LYPD1: variants seen among roughly 807,000 people sequenced by gnomAD.
LYPD1 encodes ly6/PLAUR domain-containing protein 1.
LYPD1 carries 14 observed loss-of-function variants against 14.2 expected under a neutral mutation model. That is an observed-to-expected ratio of 0.99 (90% CI 0.65 to 1.54). The LOEUF (loss-of-function observed/expected upper bound fraction) is 1.54, where lower values mean the gene tolerates loss of function less well. Among genes scored for constraint, LYPD1 ranks in the 40% most tolerant of loss-of-function variants. The pLI is 0.00. For synonymous variants in LYPD1, 85 were observed against 70.6 expected (o/e 1.20, Z -1.02); for missense variants, 165 against 175.7 (o/e 0.94, Z 0.34).
intron 2 of LYPD1, among the ~76,000 whole-genome samples, chr2:132,661,207 TGA>T (rs2104918347): frequency 6.6e-6 from 1 of 152,252 alleles, no homozygotes; most frequent in South Asian, 2.1e-4. Context: ...TCCATGTGCC[TGA>T]GGATTCCTGT....
chr2:132,669,891 G>C lies in LYPD1; in HGVS notation c.42C>G (p.Phe14Leu), dbSNP rs368512774. Residue 14 changes from phenylalanine to leucine, a missense_variant, in exon 1 of 3, where the codon TTC (phenylalanine) becomes TTG (leucine). Transcript: ENST00000397463. The surrounding 1 kb of genome is among the most constrained non-coding windows in gnomAD (Gnocchi z 4.3). ...LGIAATFCGL[F>L]LLPGFALQIQ... ...TCTGGGTATTCTCACCTGGAAGCAAGAACAATCCGCAAAAAGTTGCCGCGA... is the reference window on the plus strand; with the variant it reads ...TCTGGGTATTCTCACCTGGAAGCAACAACAATCCGCAAAAAGTTGCCGCGA... 3.1e-6 allele frequency: 5 copies of C among 1,612,976 alleles called. No homozygotes were observed. Among genetic ancestry groups the C allele is most frequent in the Non-Finnish European group, 3.4e-6 (4 of 1,179,418 alleles).
intron 2 of LYPD1, among the ~76,000 whole-genome samples, chr2:132,647,601 G>C (rs1000420941): frequency 6.6e-6 from 1 of 152,188 alleles, no homozygotes; most frequent in Admixed American, 6.5e-5. Flanking sequence ...AAAATGCTGG[G>C]ATTACAGGCA....
At position 132,669,861 on chromosome 2, in the gene LYPD1, T is replaced by C. The variant is rs2104933002; in HGVS notation, c.52+20A>G. 2 of 1,611,930 alleles carry C rather than the reference T, an allele frequency of 1.2e-6. No individual in the cohort carries two copies. The highest frequency in any genetic ancestry group is 1.7e-6 in the Non-Finnish European group (2 of 1,179,026). On this transcript the variant is annotated intron_variant, in intron 1 of 2. Transcript: ENST00000397463. The surrounding 1 kb of genome is among the most constrained non-coding windows in gnomAD (Gnocchi z 4.3). ...ATTGTGCGCACCTGGCCTCGGCTGCTGGCCTCTGGGTATTCTCACCTGGAA... is the reference window on the plus strand; with the variant it reads ...ATTGTGCGCACCTGGCCTCGGCTGCCGGCCTCTGGGTATTCTCACCTGGAA...
intron 2 of LYPD1, among the ~76,000 whole-genome samples, chr2:132,659,367 A>C (rs560404984): frequency 1.3e-5 from 2 of 152,254 alleles, no homozygotes; most frequent in South Asian, 4.1e-4. Flanking sequence ...AGAGAGAGAG[A>C]GCATGAGAGA....
intron 2 of LYPD1, among the ~76,000 whole-genome samples, chr2:132,657,981 G>A (rs1006658300): frequency 2.0e-5 from 3 of 152,136 alleles, no homozygotes; most frequent in Non-Finnish European, 4.4e-5. Flanking sequence ...AGCTACTAGC[G>A]GCCATGAGAC....
At chr2:132,647,481 C>T (rs575744466) in intron 2 of LYPD1, among the ~76,000 whole-genome samples, 6 of 152,138 alleles carry the variant, frequency 3.9e-5, no homozygotes, top group South Asian at 2.1e-4. Flanking sequence ...CCCAGGCGCC[C>T]GCCACCACAC....
At chr2:132,646,547 TTAAA>T (rs1398523934) in intron 2 of LYPD1, 29 of 350,412 alleles carry the variant, frequency 8.3e-5, no homozygotes, top group South Asian at 1.5e-4. Flanking sequence ...TAAAGAGCTG[TTAAA>T]TAGACTTATT....
chr2:132,658,240 G>A (rs977393275), intron 2 of LYPD1, among the ~76,000 whole-genome samples: 4 of 152,180 alleles, frequency 2.6e-5, no homozygotes, highest in African/African-American at 9.7e-5. Flanking sequence ...GGCTGTAGGA[G>A]CAACCCCAAG....
Position 132,649,487 on chromosome 2 carries a change from C to T in LYPD1, c.191-3207G>A, listed in dbSNP as rs560689252. On this transcript the variant is annotated intron_variant, in intron 2 of 2. Transcript: ENST00000397463. ...TCAGCAGGCAGGCTGGCGATGGGAACGGAGGTGCAGGGACAAACGGGAATG... is the reference window on the plus strand; with the variant it reads ...TCAGCAGGCAGGCTGGCGATGGGAATGGAGGTGCAGGGACAAACGGGAATG... Among the ~76,000 whole-genome samples the T allele has an allele frequency of 6.6e-4, 100 of 152,224 alleles. 1 individual carries two copies. In the South Asian group the frequency reaches 0.015, roughly 22 times the overall value.
Position 132,669,475 on chromosome 2 carries a change from G to A in LYPD1, c.52+406C>T, listed in dbSNP as rs1245189567. On this transcript the variant is annotated intron_variant, in intron 1 of 2. Transcript: ENST00000397463. The surrounding 1 kb of genome is among the most constrained non-coding windows in gnomAD (Gnocchi z 4.3). Reference sequence around the variant, plus strand: ...CAACCCAGCTTCAGCGTGGCCGCAGGCTGCCTCGCGCATCGCTCACCTGTC... The same window carrying A: ...CAACCCAGCTTCAGCGTGGCCGCAGACTGCCTCGCGCATCGCTCACCTGTC... 1.3e-5 allele frequency among the ~76,000 whole-genome samples: 2 copies of A among 152,152 alleles called. No homozygotes were observed. The highest frequency in any genetic ancestry group is 2.9e-5 in the Non-Finnish European group (2 of 68,020).
chr2:132,658,834 C>T (rs1682755083), intron 2 of LYPD1, among the ~76,000 whole-genome samples: 1 of 152,154 alleles, frequency 6.6e-6, no homozygotes, highest in Non-Finnish European at 1.5e-5. Flanking sequence ...TTTCCTTCTT[C>T]CCAAGGGAGA....
At chr2:132,653,305 A>C (rs1682426315) in intron 2 of LYPD1, among the ~76,000 whole-genome samples, 1 of 152,248 alleles carries the variant, frequency 6.6e-6, no homozygotes, top group Admixed American at 6.5e-5. Flanking sequence ...CAGTGGACAA[A>C]GCTGGAGTTT....
intron 2 of LYPD1, among the ~76,000 whole-genome samples, chr2:132,647,389 T>C (rs190512457): frequency 2.0e-5 from 3 of 152,344 alleles, no homozygotes; most frequent in African/African-American, 7.2e-5. Context: ...GGGGATTTTT[T>C]AGGGGGAGAG....
chr2:132,649,384 C>A (rs925414687), intron 2 of LYPD1, among the ~76,000 whole-genome samples: 7 of 152,006 alleles, frequency 4.6e-5, no homozygotes. Context: ...TTGGAGTCTG[C>A]AAAGAAGTGG....
Position 132,646,203 on chromosome 2 carries a change from G to A in LYPD1, c.268C>T (p.Pro90Ser). Reference sequence around the variant, plus strand: ...ATGCAAACTGAGTTCAGTTTCCCTGGGGAGCAGAAGGACTGGTACCCGGCA... The same window carrying A: ...ATGCAAACTGAGTTCAGTTTCCCTGAGGAGCAGAAGGACTGGTACCCGGCA... ...ASAGYQSFCS[P>S]GKLNSVCISC... Residue 90 changes from proline to serine, a missense_variant, in exon 3 of 3, where the codon CCA (proline) becomes TCA (serine). Pro to Ser is a moderately conservative substitution (Grantham distance 74). Transcript: ENST00000397463. 6.2e-7 allele frequency: 1 copy of A among 1,607,310 alleles called. No homozygotes were observed. Among genetic ancestry groups the A allele is most frequent in the Non-Finnish European group, 8.5e-7 (1 of 1,176,230 alleles).
At chr2:132,670,378 C>G (rs2104935134), upstream of LYPD1, among the ~76,000 whole-genome samples, 1 of 152,226 alleles carries the variant, frequency 6.6e-6, no homozygotes, top group South Asian at 2.1e-4. This position sits in a 1 kb window ranked among gnomAD's most constrained non-coding sequence, Gnocchi z 4.5. Context: ...CGCCTCCGCA[C>G]GTTCCTGGGA....
chr2:132,647,010 G>T (rs936977478), intron 2 of LYPD1, among the ~76,000 whole-genome samples: 4 of 152,234 alleles, frequency 2.6e-5, no homozygotes, highest in African/African-American at 9.6e-5. Flanking sequence ...TGTGTGTCCT[G>T]TCAAGCTGCA....
rs367709282 is a variant in LYPD1 at position 132,645,400 on chromosome 2, C to T, written c.*645G>A. ...TGCGCACTCCACCACCGACAGCGCC[C>T]GCTTTGTGCAGCGCCCGTTGCTCTT... On this transcript the variant is annotated 3_prime_UTR_variant, in exon 3 of 3. Coordinates refer to ENST00000397463, the MANE Select transcript of LYPD1 (RefSeq NM_144586.7). 5.3e-5 allele frequency: 85 copies of T among 1,613,578 alleles called. 1 individual carries two copies. Among genetic ancestry groups the T allele is most frequent in the South Asian group, 3.4e-4 (31 of 91,064 alleles).
At position 132,668,391 on chromosome 2, in the gene LYPD1, G is replaced by A. The variant is rs752561540; in HGVS notation, c.190+9C>T. 6.2e-7 allele frequency: 1 copy of A among 1,600,818 alleles called. No homozygotes were observed. Among genetic ancestry groups the A allele is most frequent in the Admixed American group, 1.7e-5 (1 of 58,346 alleles). ...TTAAGAGCGAGGGGGAGGGCTGCCA[G>A]GCTCTTACCGGCACTTTGCTCCATC... On this transcript the variant is annotated intron_variant, in intron 2 of 2. Transcript: ENST00000397463.
Sources: gnomAD v4.1 joint callset for allele counts (sites outside exome capture counted in the v4.1 genomes callset) on GRCh38, gnomAD v4.1.1 for gene constraint, Gnocchi (gnomAD v3.1) non-coding constraint, MANE v1.5 for transcripts, NCBI Gene and HGNC (gene_info 2026-07-23, HGNC 2026-07-21) for gene names.